NRF1: variants seen among roughly 807,000 people sequenced by gnomAD.
The protein encoded by NRF1 is alpha palindromic-binding protein.
Under a neutral mutation model 58.5 loss-of-function variants are expected in NRF1, and 5 were observed. That is an observed-to-expected ratio of 0.09 (90% CI 0.04 to 0.18). NRF1 has a LOEUF of 0.18. NRF1 is among the 10% of genes least tolerant of loss of function. The pLI, the probability that NRF1 is intolerant of heterozygous loss-of-function variation, is 1.00. For missense variants in NRF1, 288 were observed against 657.7 expected (o/e 0.44, Z 6.15); for synonymous variants, 224 against 246.7 (o/e 0.91, Z 0.86).
intron 3 of NRF1, among the ~76,000 whole-genome samples, chr7:129,673,628 A>G (rs1802102732): frequency 6.7e-6 from 1 of 150,040 alleles, no homozygotes; most frequent in Non-Finnish European, 1.5e-5. Context: ...GAGGCAGGAG[A>G]ATGGCGTGAA....
At chr7:129,659,088 T>TTTTTC (rs1239202838) in intron 2 of NRF1, among the ~76,000 whole-genome samples, 1 of 144,116 alleles carries the variant, frequency 6.9e-6, no homozygotes, top group East Asian at 2.0e-4. Flanking sequence ...TTTTTTTTTT[T>TTTTTC]TTTTTTTTGA....
At chr7:129,723,209 C>G (rs1277946187) in intron 9 of NRF1, among the ~76,000 whole-genome samples, 1 of 151,812 alleles carries the variant, frequency 6.6e-6, no homozygotes, top group Admixed American at 6.6e-5. Context: ...TTTGGGAGGC[C>G]GAGGCGGGTG....
chr7:129,742,812 CTATT>C (rs1803879740), intron 10 of NRF1, among the ~76,000 whole-genome samples: 2 of 152,298 alleles, frequency 1.3e-5, no homozygotes, highest in South Asian at 4.2e-4. Flanking sequence ...TGTGCTCTGG[CTATT>C]TAAACTTAAT....
chr7:129,728,195 C>T (rs1304307787), intron 10 of NRF1, among the ~76,000 whole-genome samples: 1 of 152,044 alleles, frequency 6.6e-6, no homozygotes, highest in Admixed American at 6.6e-5. Flanking sequence ...TTAAATACTC[C>T]ATGGCTTTGG....
intron 10 of NRF1, among the ~76,000 whole-genome samples, chr7:129,751,268 C>T (rs1417576647): frequency 3.3e-5 from 5 of 152,228 alleles, no homozygotes; most frequent in East Asian, 3.9e-4. Context: ...CAACAGTGGC[C>T]GACGTGAAGA....
chr7:129,664,483 AC>A (rs1801876115), intron 2 of NRF1, among the ~76,000 whole-genome samples: 1 of 152,258 alleles, frequency 6.6e-6, no homozygotes, highest in South Asian at 2.1e-4. Flanking sequence ...ACTGTCAGTT[AC>A]TGTCCACTGT....
intron 4 of NRF1, among the ~76,000 whole-genome samples, chr7:129,682,683 T>C (rs1418411929): frequency 7.0e-6 from 1 of 143,274 alleles, no homozygotes; most frequent in Non-Finnish European, 1.5e-5. Context: ...GCACTTGTAA[T>C]CCCAGCTATT....
At chr7:129,677,007 ATTT>A (rs56059756) in intron 3 of NRF1, among the ~76,000 whole-genome samples, 4 of 113,546 alleles carry the variant, frequency 3.5e-5, no homozygotes, top group Admixed American at 1.1e-4. Flanking sequence ...TCTTGGTTGC[ATTT>A]TTTTTTTTTT....
At chr7:129,648,511 C>A (rs1379417832) in intron 1 of NRF1, among the ~76,000 whole-genome samples, 4 of 152,044 alleles carry the variant, frequency 2.6e-5, no homozygotes, top group Admixed American at 2.0e-4. Context: ...TACCTCCTGA[C>A]CTCGTGATCC....
At chr7:129,703,900 C>T (rs1444574244) in intron 5 of NRF1, among the ~76,000 whole-genome samples, 1 of 152,142 alleles carries the variant, frequency 6.6e-6, no homozygotes, top group Non-Finnish European at 1.5e-5. Context: ...CCTCTAGGAT[C>T]ATCTTCCTAG....
chr7:129,742,903 G>T (rs1562990990), intron 10 of NRF1, among the ~76,000 whole-genome samples: 1 of 152,098 alleles, frequency 6.6e-6, no homozygotes, highest in Non-Finnish European at 1.5e-5. Context: ...CCACTGTGTC[G>T]GACAGCACTC....
At chr7:129,683,662 TCTCA>T (rs1310801937) in intron 4 of NRF1, among the ~76,000 whole-genome samples, 1 of 103,986 alleles carries the variant, frequency 9.6e-6, no homozygotes, top group Admixed American at 1.2e-4. Context: ...TGAGATGGAG[TCTCA>T]CTCTATCACC....
intron 1 of NRF1, among the ~76,000 whole-genome samples, chr7:129,627,617 C>T (rs184702560): frequency 6.6e-6 from 1 of 152,124 alleles, no homozygotes; most frequent in South Asian, 2.1e-4. Context: ...CCATAGCTTT[C>T]CATTACAATT....
At chr7:129,672,567 A>G (rs560584563) in intron 3 of NRF1, among the ~76,000 whole-genome samples, 1 of 152,338 alleles carries the variant, frequency 6.6e-6, no homozygotes, top group South Asian at 2.1e-4. Context: ...TCTTAAAACC[A>G]ACATGGCAGC....
chr7:129,634,164 A>G (rs4292630), intron 1 of NRF1, among the ~76,000 whole-genome samples: 128,402 of 151,518 alleles, frequency 0.85, 54,885 homozygotes, highest in East Asian at 0.93. Context: ...TCTCCTACCC[A>G]TTTCCTTTAT....
Position 129,756,790 on chromosome 7 carries a change from A to G in NRF1, c.*1609A>G, listed in dbSNP as rs1342913165. On this transcript the variant is annotated 3_prime_UTR_variant, in exon 11 of 11. Coordinates refer to ENST00000393232, the MANE Select transcript of NRF1 (RefSeq NM_005011.5). ...TATATAAAACTATCTAATGTTCTTT[A>G]TATGTTCTTTTCTGTACGTAATGGG... 6.6e-6 allele frequency: 1 copy of G among 152,172 alleles called. No individual in the cohort carries two copies. Among genetic ancestry groups the G allele is most frequent in the African/African-American group, 2.4e-5 (1 of 41,278 alleles). The allele number at this position is 152,172 out of a possible 1,614,324, so 9.4% of individuals were successfully genotyped here.
intron 1 of NRF1, among the ~76,000 whole-genome samples, chr7:129,650,964 C>T (rs922508983): frequency 1.3e-5 from 2 of 152,126 alleles, no homozygotes; most frequent in Admixed American, 1.3e-4. Context: ...TGATGATGTC[C>T]AGCAATATGT....
chr7:129,673,589 C>T (rs1263612093), intron 3 of NRF1, among the ~76,000 whole-genome samples: 8 of 151,422 alleles, frequency 5.3e-5, no homozygotes, highest in South Asian at 2.1e-4. Flanking sequence ...CAGTGGCGGG[C>T]GCCTGTAGTC....
At chr7:129,613,511 A>G (rs1431218506) in intron 1 of NRF1, among the ~76,000 whole-genome samples, 1 of 151,890 alleles carries the variant, frequency 6.6e-6, no homozygotes, top group East Asian at 1.9e-4. Flanking sequence ...TGTGGGCAGA[A>G]TTTTTTTGTG....
Sources: gnomAD v4.1 joint callset for allele counts (sites outside exome capture counted in the v4.1 genomes callset) on GRCh38, gnomAD v4.1.1 for gene constraint, MANE v1.5 for transcripts, NCBI Gene and HGNC (gene_info 2026-07-23, HGNC 2026-07-21) for gene names.